Variants in PRKN observed in about 807,000 individuals in gnomAD.
The protein encoded by PRKN is E3 ubiquitin-protein ligase parkin.
Under a neutral mutation model 59.5 loss-of-function variants are expected in PRKN, and 56 were observed. That is an observed-to-expected ratio of 0.94 (90% CI 0.76 to 1.18). The LOEUF is 1.18. Ranked by LOEUF, PRKN falls within the 50% of genes most tolerant of loss-of-function variation. The pLI is 0.00. For synonymous variants in PRKN, 250 were observed against 222.1 expected (o/e 1.13, Z -1.12); for missense variants, 657 against 596.4 (o/e 1.10, Z -1.06).
At chr6:162,385,422 A>C (rs1786749692) in intron 2 of PRKN, among the ~76,000 whole-genome samples, 1 of 152,234 alleles carries the variant, frequency 6.6e-6, no homozygotes, top group Admixed American at 6.5e-5. Context: ...ATTACTTATT[A>C]ATAACCAACC....
chr6:161,992,621 G>A (rs1395208505), intron 5 of PRKN, among the ~76,000 whole-genome samples: 3 of 152,134 alleles, frequency 2.0e-5, no homozygotes, highest in African/African-American at 4.8e-5. Context: ...GACTTCTACA[G>A]AACATATTAT....
chr6:161,630,025 A>G (rs765363748), intron 7 of PRKN, among the ~76,000 whole-genome samples: 1 of 152,210 alleles, frequency 6.6e-6, no homozygotes, highest in East Asian at 1.9e-4. Context: ...GAGCTGTGTC[A>G]ATGAGCTCAC....
intron 2 of PRKN, among the ~76,000 whole-genome samples, chr6:162,387,172 A>T (rs1440590007): frequency 6.6e-6 from 1 of 151,042 alleles, no homozygotes; most frequent in African/African-American, 2.4e-5. Flanking sequence ...GAAACATTTT[A>T]GAAGGTTCAT....
intron 5 of PRKN, among the ~76,000 whole-genome samples, chr6:162,007,400 T>C (rs575305173): frequency 2.2e-4 from 33 of 152,286 alleles, no homozygotes; most frequent in African/African-American, 7.2e-4. Flanking sequence ...ATCAAAACTG[T>C]TGAAAAAACT....
At chr6:161,882,081 T>C (rs983654732) in intron 6 of PRKN, among the ~76,000 whole-genome samples, 2 of 152,148 alleles carry the variant, frequency 1.3e-5, no homozygotes, top group Non-Finnish European at 2.9e-5. Flanking sequence ...ATCACCTCAA[T>C]TCTAGAATAG....
At chr6:161,610,029 G>A (rs1782430986) in intron 7 of PRKN, among the ~76,000 whole-genome samples, 1 of 152,182 alleles carries the variant, frequency 6.6e-6, no homozygotes, top group Non-Finnish European at 1.5e-5. Flanking sequence ...TTTTTTGAAT[G>A]AGGCAATGAC....
chr6:162,450,587 C>G (rs1174826192), intron 1 of PRKN, among the ~76,000 whole-genome samples: 3 of 152,146 alleles, frequency 2.0e-5, no homozygotes, highest in African/African-American at 7.2e-5. Flanking sequence ...ATGCAATGGG[C>G]AATTTATCTC....
chr6:161,564,695 T>C (rs1780574373), intron 8 of PRKN, among the ~76,000 whole-genome samples: 2 of 152,176 alleles, frequency 1.3e-5, no homozygotes, highest in Admixed American at 1.3e-4. Context: ...CCATGCACTA[T>C]TTCCCCTTCT....
At position 161,552,054 on chromosome 6, in the gene PRKN, G is replaced by A. The variant is rs1241259762; in HGVS notation, c.934-3051C>T. Reference sequence around the variant, plus strand: ...ATGAGTGATGAAGGAAGGGGAGGGCGGAGGAAGTCGGTATCACTGCTGGGC... The same window carrying A: ...ATGAGTGATGAAGGAAGGGGAGGGCAGAGGAAGTCGGTATCACTGCTGGGC... On this transcript the variant is annotated intron_variant, in intron 8 of 11. Coordinates refer to ENST00000366898, the MANE Select transcript of PRKN (RefSeq NM_004562.3). The surrounding 1 kb of genome is among the most constrained non-coding windows in gnomAD (Gnocchi z 4.9). Among the ~76,000 whole-genome samples, 1 of 151,976 alleles carries A rather than the reference G, an allele frequency of 6.6e-6. No homozygotes were observed. The highest frequency in any genetic ancestry group is 1.5e-5 in the Non-Finnish European group (1 of 68,008).
intron 6 of PRKN, among the ~76,000 whole-genome samples, chr6:161,897,333 C>G (rs1395144945): frequency 6.6e-6 from 1 of 152,192 alleles, no homozygotes; most frequent in Non-Finnish European, 1.5e-5. Flanking sequence ...TCATCCCTCT[C>G]ATTCAACTTC....
chr6:161,621,556 G>T (rs937471105), intron 7 of PRKN, among the ~76,000 whole-genome samples: 2 of 152,018 alleles, frequency 1.3e-5, no homozygotes, highest in Non-Finnish European at 2.9e-5. Context: ...CCTGAATGGG[G>T]CCCGTCCACA....
chr6:161,951,114 A>C (rs1057082793), intron 6 of PRKN, among the ~76,000 whole-genome samples: 2 of 151,730 alleles, frequency 1.3e-5, no homozygotes, highest in Non-Finnish European at 2.9e-5. Context: ...AGAATTCATG[A>C]GTAGGGTTTT....
intron 2 of PRKN, among the ~76,000 whole-genome samples, chr6:162,282,751 T>C (rs1780968365): frequency 6.6e-6 from 1 of 152,198 alleles, no homozygotes; most frequent in Non-Finnish European, 1.5e-5. Flanking sequence ...TATTAGCCCA[T>C]TTGTCTGTAT....
At position 161,440,286 on chromosome 6, in the gene PRKN, G is replaced by T. The variant is rs1789147694; in HGVS notation, c.1084-53409C>A. On this transcript the variant is annotated intron_variant, in intron 9 of 11. Transcript: ENST00000366898. The surrounding 1 kb of genome is among the most constrained non-coding windows in gnomAD (Gnocchi z 4.1). ...AGTTTTTACCCTTCCCATTATGTCA[G>T]AAGTTCTCAGTTGACAATGTCTGGA... 6.6e-6 allele frequency among the ~76,000 whole-genome samples: 1 copy of T among 152,092 alleles called. No individual in the cohort carries two copies. The highest frequency in any genetic ancestry group is 2.4e-5 in the African/African-American group (1 of 41,414).
chr6:162,228,657 T>C lies in PRKN; in HGVS notation c.413-27405A>G, dbSNP rs151010255. Among the ~76,000 whole-genome samples the C allele has an allele frequency of 1.7e-3, 256 of 152,274 alleles. 7 individuals carry two copies. In the East Asian group the frequency reaches 0.026, roughly 16 times the overall value. On this transcript the variant is annotated intron_variant, in intron 3 of 11. Coordinates refer to ENST00000366898, the MANE Select transcript of PRKN (RefSeq NM_004562.3). The stretch of plus-strand genomic sequence containing the variant: ...GAGCTGATTGAAGTTATAAATATCT[T>C]CAAACAGCTATTCAAAGCTTATTAA...
At chr6:161,665,924 C>A (rs1392031984) in intron 7 of PRKN, among the ~76,000 whole-genome samples, 2 of 152,112 alleles carry the variant, frequency 1.3e-5, no homozygotes, top group Non-Finnish European at 2.9e-5. Context: ...GATGTCTACC[C>A]ACTCCAGCCC....
At position 161,946,414 on chromosome 6, in the gene PRKN, A is replaced by T. The variant is rs9365354; in HGVS notation, c.734+26888T>A. On this transcript the variant is annotated intron_variant, in intron 6 of 11. Transcript: ENST00000366898. ...CACACACACACACACACACACACAC[A>T]CTCTCTCTCTCTCTCTCTCTCTCTC... is the stretch of plus-strand genomic sequence containing the variant. 3.2e-3 allele frequency among the ~76,000 whole-genome samples: 363 copies of T among 114,426 alleles called. 1 individual carries two copies. Among genetic ancestry groups the T allele is most frequent in the African/African-American group, 8.9e-3 (240 of 27,068 alleles). 75.1% of individuals were successfully genotyped at this position (114,426 alleles called of 152,430 possible).
intron 5 of PRKN, among the ~76,000 whole-genome samples, chr6:162,027,470 T>G (rs1397376440): frequency 1.3e-5 from 2 of 152,132 alleles, no homozygotes; most frequent in Non-Finnish European, 2.9e-5. Flanking sequence ...CTCTGTATAT[T>G]CTTGTGTAGA....
At chr6:161,535,124 T>C (rs969192126) in intron 9 of PRKN, among the ~76,000 whole-genome samples, 1 of 152,184 alleles carries the variant, frequency 6.6e-6, no homozygotes, top group African/African-American at 2.4e-5. Context: ...ACTAGAGAAT[T>C]TTCTAGAATT....
Sources: gnomAD v4.1 joint callset for allele counts (sites outside exome capture counted in the v4.1 genomes callset) on GRCh38, gnomAD v4.1.1 for gene constraint, Gnocchi (gnomAD v3.1) non-coding constraint, MANE v1.5 for transcripts, NCBI Gene and HGNC (gene_info 2026-07-23, HGNC 2026-07-21) for gene names.